Variants in CDH2 observed in about 807,000 individuals in gnomAD.
The protein encoded by CDH2 is cadherin-2.
In CDH2, 17 loss-of-function variants were observed where a neutral mutation model predicts 92.0. The observed-to-expected ratio is 0.18, with a 90% CI of 0.13 to 0.28. The LOEUF is 0.28. CDH2 is among the 10% of genes least tolerant of loss of function. The pLI, the probability that CDH2 is intolerant of heterozygous loss-of-function variation, is 1.00. For synonymous variants in CDH2, 419 were observed against 415.9 expected, an observed-to-expected ratio of 1.01 and a Z score of -0.09; for missense variants, 862 against 1,133.1, an observed-to-expected ratio of 0.76 and a Z score of 3.44.
rs1156975179 is a variant in CDH2 at position 28,138,772 on chromosome 18, C to CA, written c.172+8900dup. The stretch of plus-strand genomic sequence containing the variant: ...AATAATAAAATGAATGCCCTCCGAG[C>CA]AAAAAAGGATATGCTTGCTCTGTGT... On this transcript the variant is annotated intron_variant, in intron 2 of 15. Coordinates refer to ENST00000269141, the MANE Select transcript of CDH2 (RefSeq NM_001792.5). 3.3e-5 allele frequency among the ~76,000 whole-genome samples: 5 copies of CA among 151,782 alleles called. No individual in the cohort carries two copies. The East Asian group carries it at 9.6e-4, about 29-fold the overall frequency.
chr18:28,091,941 G>C (rs1315358976), intron 2 of CDH2, among the ~76,000 whole-genome samples: 1 of 151,552 alleles, frequency 6.6e-6, no homozygotes, highest in East Asian at 2.0e-4. Context: ...AACAGAGTTG[G>C]CTTCTTCGCA....
chr18:28,155,101 G>A (rs901262458), intron 1 of CDH2, among the ~76,000 whole-genome samples: 1 of 152,248 alleles, frequency 6.6e-6, no homozygotes, highest in Admixed American at 6.5e-5. Context: ...TTTGCATTAT[G>A]TTTGCTCCCC....
chr18:28,158,277 T>C (rs2016252704), intron 1 of CDH2, among the ~76,000 whole-genome samples: 1 of 152,210 alleles, frequency 6.6e-6, no homozygotes, highest in African/African-American at 2.4e-5. Context: ...GTTCAAAGCC[T>C]TTCCTGAACT....
intron 2 of CDH2, among the ~76,000 whole-genome samples, chr18:28,064,777 A>G (rs11564409): frequency 0.26 from 38,900 of 151,900 alleles, 5,662 homozygotes; most frequent in African/African-American, 0.38. Context: ...TGAGAGAATC[A>G]GGTCCCCTTC....
chr18:28,075,462 G>A (rs556929061), intron 2 of CDH2, among the ~76,000 whole-genome samples: 1 of 152,264 alleles, frequency 6.6e-6, no homozygotes, highest in South Asian at 2.1e-4. Context: ...ATTGAAAATG[G>A]GTGGAAAAGG....
intron 2 of CDH2, among the ~76,000 whole-genome samples, chr18:28,099,273 G>A (rs542744210): frequency 5.3e-5 from 8 of 152,252 alleles, no homozygotes; most frequent in African/African-American, 1.9e-4. Context: ...TTGTGATACT[G>A]AGAGTTATTT....
intron 6 of CDH2, among the ~76,000 whole-genome samples, chr18:27,938,045 C>T (rs529948792): frequency 1.5e-3 from 222 of 152,140 alleles, no homozygotes; most frequent in Non-Finnish European, 2.7e-3. Context: ...AACATCACCT[C>T]CCTTTTTGCT....
At chr18:27,953,211 C>T (rs1225377921) in intron 15 of CDH2, among the ~76,000 whole-genome samples, 5 of 152,080 alleles carry the variant, frequency 3.3e-5, no homozygotes, top group Admixed American at 2.0e-4. Flanking sequence ...AAATAACATG[C>T]GTTATCTGGT....
chr18:28,022,812 T>C (rs984970855), intron 2 of CDH2, among the ~76,000 whole-genome samples: 2 of 152,146 alleles, frequency 1.3e-5, no homozygotes, highest in African/African-American at 4.8e-5. Context: ...CACAAGTGAA[T>C]CATTTTTATC....
At chr18:28,097,293 T>C (rs913038700) in intron 2 of CDH2, 1 of 151,896 alleles carries the variant, frequency 6.6e-6, no homozygotes, top group Non-Finnish European at 1.5e-5. Flanking sequence ...AAAATGGAGA[T>C]GCACAGTCTG....
intron 12 of CDH2, 21 bp downstream of exon 12, chr18:27,985,507 A>T (rs1187206706): frequency 6.7e-7 from 1 of 1,501,638 alleles, no homozygotes. Context: ...ACATATATTC[A>T]AATAATTAAC....
At chr18:28,021,223 T>C (rs959505830) in intron 2 of CDH2, among the ~76,000 whole-genome samples, 13 of 151,976 alleles carry the variant, frequency 8.6e-5, no homozygotes, top group African/African-American at 3.1e-4. Flanking sequence ...AACAGACACA[T>C]ATAAACAGTT....
At chr18:28,101,035 A>G (rs556764260) in intron 2 of CDH2, among the ~76,000 whole-genome samples, 2 of 152,152 alleles carry the variant, frequency 1.3e-5, no homozygotes, top group Non-Finnish European at 2.9e-5. Context: ...GTGACCCTTC[A>G]TATTTGTTCT....
chr18:28,049,985 T>C (rs17535622), intron 2 of CDH2, among the ~76,000 whole-genome samples: 185 of 152,292 alleles, frequency 1.2e-3, no homozygotes, highest in African/African-American at 4.2e-3. Flanking sequence ...TCTTGGAGTA[T>C]GCTACCACCA....
At chr18:27,966,042 T>A (rs912737214) in intron 14 of CDH2, among the ~76,000 whole-genome samples, 1 of 149,840 alleles carries the variant, frequency 6.7e-6, no homozygotes, top group Non-Finnish European at 1.5e-5. Flanking sequence ...ATTTTAATGC[T>A]TTCACACTAA....
At chr18:27,943,387 T>A (rs1041431656) in intron 6 of CDH2, among the ~76,000 whole-genome samples, 1 of 152,124 alleles carries the variant, frequency 6.6e-6, no homozygotes, top group Non-Finnish European at 1.5e-5. Context: ...TCTCAAGAAA[T>A]CAGGAAAAAT....
chr18:27,988,336 A>T (rs926220740), intron 11 of CDH2, among the ~76,000 whole-genome samples, 188 bp downstream of exon 11: 2 of 152,228 alleles, frequency 1.3e-5, no homozygotes, highest in Non-Finnish European at 2.9e-5. Context: ...CATCGAGAAC[A>T]GTCATTGCAA....
intron 2 of CDH2, among the ~76,000 whole-genome samples, chr18:28,106,204 G>A (rs556759430): frequency 1.3e-5 from 2 of 152,272 alleles, no homozygotes; most frequent in African/African-American, 4.8e-5. Flanking sequence ...ATCATCTGAG[G>A]TCAGGAGTTC....
intron 14 of CDH2, among the ~76,000 whole-genome samples, chr18:27,982,185 G>C (rs371720650): frequency 8.6e-4 from 131 of 152,278 alleles, no homozygotes; most frequent in African/African-American, 3.1e-3. Flanking sequence ...CAGAATGCCT[G>C]ACATGTAGTA....
Sources: gnomAD v4.1 joint callset for allele counts (sites outside exome capture counted in the v4.1 genomes callset) on GRCh38, gnomAD v4.1.1 for gene constraint, MANE v1.5 for transcripts, NCBI Gene and HGNC (gene_info 2026-07-23, HGNC 2026-07-21) for gene names.